Variants in DMBT1 observed in about 807,000 individuals in gnomAD.
DMBT1 encodes the protein deleted in malignant brain tumors 1.
DMBT1 carries 198 observed loss-of-function variants against 252.9 expected under a neutral mutation model. The observed-to-expected ratio is 0.78, with a 90% CI of 0.70 to 0.88. The LOEUF is 0.88. Among genes scored for constraint, DMBT1 ranks in the 40% least tolerant of loss-of-function variants. The pLI, the probability that DMBT1 is intolerant of heterozygous loss-of-function variation, is 0.00. For missense variants in DMBT1, 2,432 were observed against 2,404.7 expected (o/e 1.01, Z -0.24); for synonymous variants, 990 against 942.7 (o/e 1.05, Z -0.92).
At position 122,643,360 on chromosome 10, in the gene DMBT1, C is replaced by G; in HGVS notation, c.7591C>G (p.Leu2531Val). 1 of 1,613,946 alleles carries G rather than the reference C, an allele frequency of 6.2e-7. No individual in the cohort carries two copies. Among genetic ancestry groups the G allele is most frequent in the Non-Finnish European group, 8.5e-7 (1 of 1,179,856 alleles). The change falls in exon 56 of 56, where the codon CTG becomes GTG. Residue 2531 changes from leucine to valine, a missense_variant. Leu to Val is a conservative substitution (Grantham distance 32). Transcript: ENST00000338354. ...GGACGTCGTCCTGGGTCCCATCCAGCTGCAGACCCCCCCACGCCGAGAAGA... is the reference window on the plus strand; with the variant it reads ...GGACGTCGTCCTGGGTCCCATCCAGGTGCAGACCCCCCCACGCCGAGAAGA... The part of the protein sequence containing the change: ...KVDVVLGPIQ[L>V]QTPPRREEEP...
chr10:122,632,982 T>G, intron 51 of DMBT1, 92 bp downstream of exon 51: 2 of 1,580,182 alleles, frequency 1.3e-6, no homozygotes, highest in South Asian at 2.3e-5. Context: ...GGGGAGGAGA[T>G]GGCTTCCCCC....
At chr10:122,631,361 G>C (rs1399177942) in intron 49 of DMBT1, 80 bp downstream of exon 49, 6 of 1,538,892 alleles carry the variant, frequency 3.9e-6, no homozygotes, top group Middle Eastern at 1.8e-4. Flanking sequence ...GGCTGATGGT[G>C]TCTGTGGCCC....
Position 122,565,958 on chromosome 10 carries a change from T to G in DMBT1, c.62-9T>G. 1 of 1,613,856 alleles carries G rather than the reference T, an allele frequency of 6.2e-7. No homozygotes were observed. Among genetic ancestry groups the G allele is most frequent in the Non-Finnish European group, 8.5e-7 (1 of 1,179,770 alleles). ...CAGTGTTTCTAAGACGAATTTGTGT[T>G]CTTTCCAGGTGGGTGGATCCCAAGG... is the stretch of plus-strand genomic sequence containing the variant. On this transcript the variant is annotated splice_polypyrimidine_tract_variant and intron_variant, in intron 1 of 55. Coordinates refer to ENST00000338354, the MANE Select transcript of DMBT1 (RefSeq NM_001377530.1).
rs527416893 is a variant in DMBT1, at chr10:122,592,212, G to A, written c.2177-60G>A. 3.8e-6 allele frequency: 6 copies of A among 1,568,200 alleles called. 1 individual carries two copies. Among genetic ancestry groups the A allele is most frequent in the African/African-American group, 1.3e-5 (1 of 74,286 alleles). On this transcript the variant is annotated intron_variant, in intron 19 of 55. Transcript: ENST00000338354. ...TTAGGAAGTACCCTGAGTGTGGAAC[G>A]TGCCTTAGATCCTTACCTCATGGTA... is the stretch of plus-strand genomic sequence containing the variant.
intron 8 of DMBT1, 60 bp downstream of exon 8, chr10:122,577,900 C>A: frequency 6.3e-7 from 1 of 1,577,306 alleles, no homozygotes; most frequent in Non-Finnish European, 8.7e-7. Flanking sequence ...TTACCCCTTC[C>A]CTACTCCACA....
chr10:122,631,827 C>G, intron 49 of DMBT1, 28 bp from the exon 50 acceptor site: 1 of 1,613,622 alleles, frequency 6.2e-7, no homozygotes, highest in Non-Finnish European at 8.5e-7. Flanking sequence ...TGTCTGTGAC[C>G]TATGCTTTTT....
chr10:122,630,086 C>G, intron 47 of DMBT1, 93 bp downstream of exon 47: 1 of 1,543,328 alleles, frequency 6.5e-7, no homozygotes. Flanking sequence ...GCTTTTCACT[C>G]TCATGTGCCA....
Position 122,619,292 on chromosome 10 carries a change from C to G in DMBT1, c.5216-16C>G. Reference sequence around the variant, plus strand: ...TATAGTGCATCTGATCTGACCTTCTCTTCTCTTTCTCACAGCTGCTCAGTC... The same window carrying G: ...TATAGTGCATCTGATCTGACCTTCTGTTCTCTTTCTCACAGCTGCTCAGTC... On this transcript the variant is annotated splice_polypyrimidine_tract_variant and intron_variant, in intron 41 of 55. Coordinates refer to ENST00000338354, the MANE Select transcript of DMBT1 (RefSeq NM_001377530.1). 1.9e-6 allele frequency: 3 copies of G among 1,613,974 alleles called. No homozygotes were observed.
At chr10:122,619,425 T>C in intron 42 of DMBT1, 88 bp downstream of exon 42, 1 of 1,556,714 alleles carries the variant, frequency 6.4e-7, no homozygotes, top group Non-Finnish European at 8.9e-7. Context: ...CCTGCTTTTC[T>C]GTGCGGATAC....
rs1844957176 is a variant in DMBT1 at position 122,643,570 on chromosome 10, C to T, written c.*172C>T. ...CCCGCCTCCCCCAAGGCTCATGGTC[C>T]TTGGAGGACCCGTTGCAGGGTGAGG... On this transcript the variant is annotated 3_prime_UTR_variant, in exon 56 of 56. Transcript: ENST00000338354. 2.1e-6 allele frequency: 2 copies of T among 950,464 alleles called. No homozygotes were observed. The highest frequency in any genetic ancestry group is 3.0e-6 in the Non-Finnish European group (2 of 656,334). The allele number at this position is 950,464 out of a possible 1,614,324, so 58.9% of individuals were successfully genotyped here.
At chr10:122,576,306 T>A in intron 6 of DMBT1, 93 bp from the exon 7 acceptor site, 1 of 1,505,598 alleles carries the variant, frequency 6.6e-7, no homozygotes, top group Non-Finnish European at 9.0e-7. Flanking sequence ...CTCAAAGATA[T>A]CTGCCTATGG....
chr10:122,579,430 G>T (rs1969619), intron 9 of DMBT1, 148 bp from the exon 10 acceptor site: 780,707 of 1,509,466 alleles, frequency 0.52, 202,645 homozygotes, highest in Middle Eastern at 0.56. Flanking sequence ...TACTTTCACG[G>T]TGATGAAGCC....
chr10:122,577,805 T>C lies in DMBT1; in HGVS notation c.608-6T>C, dbSNP rs1325460308. ...GGTGTCTAATGTTGCTATTTTTTTC[T>C]CACAGCTGCCCAGCCTCAGTCAACA... On this transcript the variant is annotated splice_polypyrimidine_tract_variant and splice_region_variant and intron_variant, in intron 7 of 55. Transcript: ENST00000338354. 1.2e-6 allele frequency: 2 copies of C among 1,613,660 alleles called. No individual in the cohort carries two copies. Among genetic ancestry groups the C allele is most frequent in the South Asian group, 2.2e-5 (2 of 90,994 alleles).
At chr10:122,617,371 G>C in intron 40 of DMBT1, 111 bp downstream of exon 40, 1 of 1,332,530 alleles carries the variant, frequency 7.5e-7, no homozygotes, top group Non-Finnish European at 1.1e-6. Flanking sequence ...ATGTCCCTGT[G>C]GGTTGGGTGG....
chr10:122,571,021 G>A, intron 4 of DMBT1, 84 bp downstream of exon 4: 1 of 1,498,604 alleles, frequency 6.7e-7, no homozygotes, highest in East Asian at 2.3e-5. Context: ...GAGGTGCAGA[G>A]GGCATAGAAG....
At chr10:122,563,187 C>G (rs937338877) in intron 1 of DMBT1, among the ~76,000 whole-genome samples, 1 of 152,200 alleles carries the variant, frequency 6.6e-6, no homozygotes, top group Non-Finnish European at 1.5e-5. Context: ...GGCTGTGGTA[C>G]CCACTGCTAG....
intron 6 of DMBT1, among the ~76,000 whole-genome samples, chr10:122,574,645 T>C (rs1299972617): frequency 6.6e-6 from 1 of 152,218 alleles, no homozygotes; most frequent in African/African-American, 2.4e-5. Context: ...TTCGCAAGAT[T>C]CCCACATTTT....
chr10:122,590,594 T>TCCTTGTA, intron 17 of DMBT1, 71 bp from the exon 18 acceptor site: 1 of 1,543,424 alleles, frequency 6.5e-7, no homozygotes, highest in Non-Finnish European at 8.9e-7. Context: ...CCAGTTTAGT[T>TCCTTGTA]CCTTGTACCT....
chr10:122,622,561 C>G (rs111962060), intron 44 of DMBT1, among the ~76,000 whole-genome samples: 3 of 152,200 alleles, frequency 2.0e-5, no homozygotes, highest in Non-Finnish European at 4.4e-5. Flanking sequence ...TGAGAGACAG[C>G]AGTGGGCAGC....
Sources: allele counts gnomAD v4.1 joint callset (sites outside exome capture counted in the v4.1 genomes callset), GRCh38; gene constraint gnomAD v4.1.1; transcripts MANE v1.5; gene names NCBI Gene and HGNC (gene_info 2026-07-23, HGNC 2026-07-21).